The following FAM228B variants were observed in gnomAD, a reference collection of about 807,000 sequenced individuals.
FAM228B encodes protein FAM228B.
A neutral mutation model predicts 42.6 loss-of-function variants in FAM228B; 38 were observed. That is an observed-to-expected ratio of 0.89 (90% CI 0.69 to 1.17). FAM228B has a LOEUF of 1.17. FAM228B is among the 50% of genes most tolerant of loss of function. The probability of loss-of-function intolerance (pLI) is 0.00; values close to 1 mark genes in which losing one functional copy is unlikely to be tolerated. For missense variants in FAM228B, 344 were observed against 367.3 expected, an observed-to-expected ratio of 0.94 and a Z score of 0.52; for synonymous variants, 109 against 122.3, an observed-to-expected ratio of 0.89 and a Z score of 0.72.
Position 24,158,196 on chromosome 2 carries a change from C to CTTTTTTTTTTTTTTTTTTTTTTTTTTT in FAM228B, c.687-3293_687-3292insTTTTTTTTTTTTTTTTTTTTTTTTTTT, listed in dbSNP as rs1322122366. ...ATGCTGGGCTTTCTCTCTGAACCTC[C>CTTTTTTTTTTTTTTTTTTTTTTTTTTT]TTTTTTTTTTTTTTTTTCCAAAACA... On this transcript the variant is annotated intron_variant, in intron 7 of 10. Transcript: ENST00000615575. Among the ~76,000 whole-genome samples, 7 of 53,204 alleles carry CTTTTTTTTTTTTTTTTTTTTTTTTTTT rather than the reference C, an allele frequency of 1.3e-4. 2 individuals are homozygous for CTTTTTTTTTTTTTTTTTTTTTTTTTTT. Among genetic ancestry groups the CTTTTTTTTTTTTTTTTTTTTTTTTTTT allele is most frequent in the African/African-American group, 4.6e-4 (5 of 10,778 alleles). 34.9% of individuals were successfully genotyped at this position (53,204 alleles called of 152,430 possible).
chr2:24,122,467 G>A (rs1666150828), upstream of FAM228B: 4 of 1,613,918 alleles, frequency 2.5e-6, no homozygotes, highest in Non-Finnish European at 3.4e-6. Context: ...GGATTTTGAT[G>A]AGGGCTGCAC....
chr2:24,077,446 T>C lies in FAM228B; in HGVS notation c.-290+477T>C. The stretch of plus-strand genomic sequence containing the variant: ...CGCGTGCCACCCTTCCAGTTCACTC[T>C]TTATTTCCTCATATCAGCTTTAAAC... On this transcript the variant is annotated intron_variant, in intron 1 of 10. Coordinates refer to the FAM228B transcript ENST00000613899. The surrounding 1 kb of genome is among the most constrained non-coding windows in gnomAD (Gnocchi z 5.5). The C allele has an allele frequency of 8.8e-7, 1 of 1,133,672 alleles. No individual in the cohort carries two copies. The highest frequency in any genetic ancestry group is 1.2e-6 in the Non-Finnish European group (1 of 841,540). 70.2% of individuals were successfully genotyped at this position (1,133,672 alleles called of 1,614,324 possible).
At chr2:24,124,494 T>C in intron 2 of FAM228B, 34 bp downstream of exon 2, 1 of 1,399,062 alleles carries the variant, frequency 7.1e-7, no homozygotes. Flanking sequence ...TTGGAGATTT[T>C]TTTACTTGGA....
chr2:24,151,287 TTTTTTG>T (rs1667015014), intron 7 of FAM228B, among the ~76,000 whole-genome samples: 1 of 151,900 alleles, frequency 6.6e-6, no homozygotes, highest in African/African-American at 2.4e-5. Context: ...TTGTTTTTTG[TTTTTTG>T]TTTTTTTTTT....
intron 7 of FAM228B, among the ~76,000 whole-genome samples, chr2:24,153,641 G>A (rs1395076490): frequency 2.0e-5 from 3 of 152,190 alleles, no homozygotes; most frequent in African/African-American, 7.2e-5. Flanking sequence ...TGGAGTTGCT[G>A]CAAGCTGCAC....
chr2:24,094,548 G>A (rs1455980757), intron 2 of FAM228B, among the ~76,000 whole-genome samples: 2 of 152,038 alleles, frequency 1.3e-5, no homozygotes, highest in African/African-American at 2.4e-5. Context: ...AAAATGTTGT[G>A]ATCATAACTC....
intron 1 of FAM228B, among the ~76,000 whole-genome samples, chr2:24,078,203 TCC>T (rs1267796243): frequency 6.6e-6 from 1 of 151,968 alleles, no homozygotes; most frequent in Non-Finnish European, 1.5e-5. Context: ...CCCATATATC[TCC>T]TAGTGACTTC....
intron 9 of FAM228B, among the ~76,000 whole-genome samples, chr2:24,166,757 AGT>A (rs1667425882): frequency 2.6e-5 from 4 of 152,132 alleles, no homozygotes; most frequent in Non-Finnish European, 5.9e-5. Context: ...TAGGTGGAGA[AGT>A]CAGAGGAGGC....
rs71397406 is a variant in FAM228B at position 24,128,700 on chromosome 2, CT to C, written c.99+4250del. On this transcript the variant is annotated intron_variant, in intron 2 of 10. Coordinates refer to ENST00000615575, the MANE Select transcript of FAM228B (RefSeq NM_001145710.2). ...ATATTTTTGATTTGCTATAAATACT[CT>C]TTTTTTTTTAAGTACAAGTGCACAG... Among the ~76,000 whole-genome samples the C allele has an allele frequency of 1.6e-3, 240 of 148,670 alleles. 2 individuals are homozygous for C. Among genetic ancestry groups the C allele is most frequent in the Middle Eastern group, 3.5e-3 (1 of 286 alleles).
rs953014257 is a variant in FAM228B, at chr2:24,084,400, G to GCAGGGCAGGA, written c.-210+3449_-210+3450insGCAGGACAGG. The GCAGGGCAGGA allele has an allele frequency of 3.8e-5, 56 of 1,478,764 alleles. No homozygotes were observed. In the Middle Eastern group the frequency reaches 8.8e-4, roughly 23 times the overall value. The allele number at this position is 1,478,764 out of a possible 1,614,324, so 91.6% of individuals were successfully genotyped here. A position where few individuals can be genotyped will look rare whatever the true frequency, so the allele number is the denominator to read the frequency against. On this transcript the variant is annotated intron_variant, in intron 2 of 10. Coordinates refer to the FAM228B transcript ENST00000613899. The surrounding 1 kb of genome is among the most constrained non-coding windows in gnomAD (Gnocchi z 8.4). ...GCAGGGCAGGACAGGACAGGGCAGG[G>GCAGGGCAGGA]CAGGACAGGACAGGGCAGGGGCCGC...
chr2:24,161,458 A>G (rs1206036810), intron 7 of FAM228B, 48 bp from the exon 8 acceptor site: 1 of 1,140,574 alleles, frequency 8.8e-7, no homozygotes, highest in East Asian at 2.6e-5. Flanking sequence ...AAAAAACAAC[A>G]ATAAAAAAGA....
chr2:24,127,694 A>C, intron 2 of FAM228B, among the ~76,000 whole-genome samples: 1 of 149,650 alleles, frequency 6.7e-6, no homozygotes, highest in Non-Finnish European at 1.5e-5. Context: ...GCTGAGTCTC[A>C]CTCTATCACC....
rs1457968976 is a variant in FAM228B, at chr2:24,146,721, G to A, written c.442-27G>A. 4 of 1,493,088 alleles carry A rather than the reference G, an allele frequency of 2.7e-6. No homozygotes were observed. In the African/African-American group the frequency reaches 4.2e-5, roughly 16 times the overall value. 92.5% of individuals were successfully genotyped at this position (1,493,088 alleles called of 1,614,324 possible). Reference sequence around the variant, plus strand: ...GTTTACTACTCAGACTTGCAACTCAGTGCTTAAACAAGTGCCTCTCTTGTA... The same window carrying A: ...GTTTACTACTCAGACTTGCAACTCAATGCTTAAACAAGTGCCTCTCTTGTA... On this transcript the variant is annotated intron_variant, in intron 5 of 10. Coordinates refer to ENST00000615575, the MANE Select transcript of FAM228B (RefSeq NM_001145710.2).
intron 2 of FAM228B, among the ~76,000 whole-genome samples, chr2:24,129,523 T>A (rs1234297680): frequency 1.3e-5 from 2 of 152,102 alleles, no homozygotes; most frequent in African/African-American, 4.8e-5. Flanking sequence ...TATTTTCTAA[T>A]CTTTATTCTT....
At chr2:24,083,219 C>T (rs934695404) in intron 2 of FAM228B, 44 of 1,480,110 alleles carry the variant, frequency 3.0e-5, no homozygotes, top group Non-Finnish European at 3.8e-5. Context: ...ACCCCTGGCC[C>T]CCCTTCCAAG....
chr2:24,101,950 G>C (rs1665618304), intron 3 of FAM228B, among the ~76,000 whole-genome samples: 1 of 152,126 alleles, frequency 6.6e-6, no homozygotes, highest in Non-Finnish European at 1.5e-5. Flanking sequence ...CCAAAGCGCT[G>C]GGATTACAGG....
intron 3 of FAM228B, among the ~76,000 whole-genome samples, chr2:24,115,943 G>A (rs1360565463): frequency 6.6e-6 from 1 of 151,090 alleles, no homozygotes; most frequent in Non-Finnish European, 1.5e-5. Flanking sequence ...TAATGCATAT[G>A]GCTGGGCAAA....
At chr2:24,158,967 TC>T (rs1378889975) in intron 7 of FAM228B, among the ~76,000 whole-genome samples, 1 of 152,206 alleles carries the variant, frequency 6.6e-6, no homozygotes, top group African/African-American at 2.4e-5. Flanking sequence ...CTTGTCTCTT[TC>T]CTAGCTACTG....
At chr2:24,165,553 C>T (rs1667384289) in intron 9 of FAM228B, 1 of 449,874 alleles carries the variant, frequency 2.2e-6, no homozygotes, top group Admixed American at 2.5e-5. Flanking sequence ...CAGCCCCTAG[C>T]AGCAGCTGTC....
Sources: allele counts gnomAD v4.1 joint callset (sites outside exome capture counted in the v4.1 genomes callset), GRCh38; gene constraint gnomAD v4.1.1; non-coding constraint Gnocchi (gnomAD v3.1); transcripts MANE v1.5; gene names NCBI Gene and HGNC (gene_info 2026-07-23, HGNC 2026-07-21).